ACADVL: variants seen among roughly 807,000 people sequenced by gnomAD.
The protein encoded by ACADVL is very long-chain acyl-CoA dehydrogenase, mitochondrial.
A neutral mutation model predicts 80.4 loss-of-function variants in ACADVL; 73 were observed. The observed-to-expected ratio is 0.91, with a 90% CI of 0.75 to 1.10. The LOEUF (loss-of-function observed/expected upper bound fraction) is 1.10. ACADVL is among the 50% of genes least tolerant of loss of function. ACADVL has a pLI of 0.00. For synonymous variants in ACADVL, 392 were observed against 326.5 expected (o/e 1.20, Z -2.16); for missense variants, 878 against 858.9 (o/e 1.02, Z -0.28).
chr17:7,218,624 A>C, upstream of ACADVL: 2 of 1,563,358 alleles, frequency 1.3e-6, no homozygotes, highest in Non-Finnish European at 1.7e-6. Flanking sequence ...CAGGAGCCAG[A>C]GGGCTGACCT....
At chr17:7,221,137 G>A (rs1356900663) in intron 6 of ACADVL, 79 bp downstream of exon 6, 4 of 1,604,750 alleles carry the variant, frequency 2.5e-6, no homozygotes, top group Admixed American at 3.3e-5. Context: ...TAGACCTAGA[G>A]ACTAGGGCTA....
rs756720482 is a variant in ACADVL, at chr17:7,220,015, GGGC to G, written c.35_37del (p.Arg12del). On this transcript the variant is annotated inframe_deletion, in exon 1 of 20. Coordinates refer to ENST00000356839, the MANE Select transcript of ACADVL (RefSeq NM_000018.4). ...GGCGGCTCGGATGGCCGCGAGCTTG[GGGC>G]GGCAGCTGCTGAGGCTCGGGGGCGG... is the stretch of plus-strand genomic sequence containing the variant. 5.6e-6 allele frequency: 9 copies of G among 1,605,194 alleles called. No homozygotes were observed. The South Asian group carries it at 9.9e-5, about 18-fold the overall frequency.
upstream of ACADVL, chr17:7,219,768 G>A (rs2071091173): frequency 6.7e-6 from 10 of 1,482,740 alleles, no homozygotes; most frequent in South Asian, 5.3e-5. Context: ...AAGGAGTTTG[G>A]GGGAGACGAG....
rs2142974194 is a variant in ACADVL at position 7,221,561 on chromosome 17, G to C, written c.501G>C (p.Val167=). Residue 167 remains valine, a synonymous_variant, in exon 7 of 20, where the codon GTG becomes GTC. Transcript: ENST00000356839. ...NTQYARLVEI[V]GMHDLGVGIT... ...AGTACGCCCGTTTGGTGGAGATCGT[G>C]GGCATGCATGACCTTGGCGTGGGCA... is the stretch of plus-strand genomic sequence containing the variant. 6.2e-7 allele frequency: 1 copy of C among 1,614,126 alleles called. No homozygotes were observed. Among genetic ancestry groups the C allele is most frequent in the Non-Finnish European group, 8.5e-7 (1 of 1,180,038 alleles).
chr17:7,219,392 G>A (rs2071078921), upstream of ACADVL: 5 of 1,014,664 alleles, frequency 4.9e-6, no homozygotes, highest in South Asian at 3.9e-5. Flanking sequence ...AGTGAATCTG[G>A]GGGGGTCTTC....
At chr17:7,219,384 T>G, upstream of ACADVL, 1 of 1,012,936 alleles carries the variant, frequency 9.9e-7, no homozygotes, top group Non-Finnish European at 1.2e-6. Context: ...GGAGGGGCAG[T>G]GAATCTGGGG....
At position 7,224,558 on chromosome 17, in the gene ACADVL, T is replaced by C. The variant is rs745434430; in HGVS notation, c.1678+6T>C. The C allele has an allele frequency of 1.9e-6, 3 of 1,603,654 alleles. No individual in the cohort carries two copies. The highest frequency in any genetic ancestry group is 2.5e-6 in the Non-Finnish European group (3 of 1,176,784). ...ACACAAGAAGGGGATTGTCAGTAAG[T>C]GAGCTCTACACCATTCCGCCCCTCC... On this transcript the variant is annotated splice_donor_region_variant and intron_variant, in intron 17 of 19. Transcript: ENST00000356839.
upstream of ACADVL, chr17:7,217,733 A>G (rs2070998151): frequency 2.0e-6 from 3 of 1,534,408 alleles, no homozygotes; most frequent in Admixed American, 2.0e-5. Flanking sequence ...GATAATGGGA[A>G]AGGAGATAGA....
At position 7,221,067 on chromosome 17, in the gene ACADVL, G is replaced by A. The variant is rs780716056; in HGVS notation, c.477+9G>A. ...GCCTTTGCAACACCCAGGTGAGGGC[G>A]CCCTATCGCCACATCCCAGTATGCC... is the stretch of plus-strand genomic sequence containing the variant. On this transcript the variant is annotated intron_variant, in intron 6 of 19. Transcript: ENST00000356839. 9.3e-6 allele frequency: 15 copies of A among 1,613,022 alleles called. No homozygotes were observed. The highest frequency in any genetic ancestry group is 8.8e-5 in the South Asian group (8 of 91,042).
At chr17:7,218,784 C>T, upstream of ACADVL, 2 of 1,612,092 alleles carry the variant, frequency 1.2e-6, no homozygotes, top group Non-Finnish European at 1.7e-6. Context: ...CCCCAGCCCC[C>T]CACTTCGCTC....
At position 7,221,551 on chromosome 17, in the gene ACADVL, T is replaced by A; in HGVS notation, c.491T>A (p.Val164Glu). 1 of 1,613,972 alleles carries A rather than the reference T, an allele frequency of 6.2e-7. No individual in the cohort carries two copies. Among genetic ancestry groups the A allele is most frequent in the African/African-American group, 1.3e-5 (1 of 74,984 alleles). The change falls in exon 7 of 20, where the codon GTG becomes GAG. Residue 164 changes from valine to glutamate, a missense_variant. Transcript: ENST00000356839. Reference protein sequence around the residue: ...GLCNTQYARLVEIVGMHDLGV... With the variant: ...GLCNTQYARLEEIVGMHDLGV... The stretch of plus-strand genomic sequence containing the variant: ...CTTCCCCTCCAGTACGCCCGTTTGG[T>A]GGAGATCGTGGGCATGCATGACCTT...
upstream of ACADVL, chr17:7,217,227 C>T: frequency 7.9e-7 from 1 of 1,258,346 alleles, no homozygotes; most frequent in Non-Finnish European, 1.0e-6. Context: ...TGGGTTCTCA[C>T]CCCTCCCCCC....
chr17:7,219,558 T>C, upstream of ACADVL: 2 of 1,104,594 alleles, frequency 1.8e-6, no homozygotes, highest in Non-Finnish European at 2.2e-6. Flanking sequence ...CCCTAGAGTC[T>C]GTCTTTCCAT....
chr17:7,223,144 C>A lies in ACADVL; in HGVS notation c.1089C>A (p.Ala363=), dbSNP rs774273664. 5.0e-6 allele frequency: 8 copies of A among 1,613,460 alleles called. No individual in the cohort carries two copies. The highest frequency in any genetic ancestry group is 6.8e-6 in the Non-Finnish European group (8 of 1,179,524). ...GGACCCTCTTCCAGGTAGATCATGC[C>A]ACTAATCGTACCCAGTTTGGGGAGA... ...RGIIAKAVDH[A]TNRTQFGEKI... Residue 363 remains alanine, a synonymous_variant, in exon 11 of 20, where the codon GCC becomes GCA. Transcript: ENST00000356839.
chr17:7,222,755 C>T lies in ACADVL; in HGVS notation c.967C>T (p.Leu323=), dbSNP rs778134085. The change falls in exon 10 of 20, where the codon CTG becomes TTG. Residue 323 remains leucine (L), a synonymous_variant. Coordinates refer to ENST00000356839, the MANE Select transcript of ACADVL (RefSeq NM_000018.4). ...AGTACGGGTGCCATCGGAGAACGTG[C>T]TGGGTGAGGTTGGGAGTGGCTTCAA... ...DGVRVPSENV[L]GEVGSGFKVA... is the part of the protein sequence containing the mutation. The T allele has an allele frequency of 4.3e-6, 7 of 1,614,086 alleles. No individual in the cohort carries two copies. The South Asian group carries it at 6.6e-5, about 15-fold the overall frequency.
rs1057516843 is a variant in ACADVL, at chr17:7,222,782, G to GT, written c.996dup (p.Ala333CysfsTer26). The GT allele has an allele frequency of 3.1e-6, 5 of 1,614,052 alleles. No individual in the cohort carries two copies. The East Asian group carries it at 1.1e-4, about 36-fold the overall frequency. On this transcript the variant is annotated frameshift_variant, in exon 10 of 20. Transcript: ENST00000356839. LOFTEE classifies it high-confidence loss of function. The stretch of plus-strand genomic sequence containing the variant: ...GGGTGAGGTTGGGAGTGGCTTCAAG[G>GT]TTGCCATGCACATCCTCAACAATGG...
At chr17:7,224,736 G>A in intron 18 of ACADVL, 22 bp downstream of exon 18, 1 of 1,610,182 alleles carries the variant, frequency 6.2e-7, no homozygotes, top group Middle Eastern at 1.7e-4. Context: ...GGCAGGGAAT[G>A]CCTGAGCCGC....
In ACADVL at chr17:7,221,517, AG is replaced by A; in HGVS notation, c.478-20del. The A allele has an allele frequency of 6.3e-7, 1 of 1,575,486 alleles. No individual in the cohort carries two copies. Among genetic ancestry groups the A allele is most frequent in the African/African-American group, 2.2e-5 (1 of 44,938 alleles). On this transcript the variant is annotated intron_variant, in intron 6 of 19. Transcript: ENST00000356839. ...TCCCCCTGCAGCCAGTGACAACCCC[AG>A]ATTCCTGCTTCCCCTCCAGTACGCC... is the stretch of plus-strand genomic sequence containing the variant.
chr17:7,223,656 A>G lies in ACADVL; in HGVS notation c.1195A>G (p.Met399Val). The change falls in exon 12 of 20, where the codon ATG becomes GTG. Residue 399 changes from methionine to valine, a missense_variant. Met to Val is a conservative substitution (Grantham distance 21, BLOSUM62 1). Coordinates refer to ENST00000356839, the MANE Select transcript of ACADVL (RefSeq NM_000018.4). ...LQYVTESMAYMVSANMDQGAT... is the reference protein window; with the variant it reads ...LQYVTESMAYVVSANMDQGAT... ...TATGCAACCTCAGTCCATGGCTTAC[A>G]TGGTGAGTGCTAACATGGACCAGGG... is the stretch of plus-strand genomic sequence containing the variant. 2 of 1,614,076 alleles carry G rather than the reference A, an allele frequency of 1.2e-6. No individual in the cohort carries two copies. The highest frequency in any genetic ancestry group is 1.7e-6 in the Non-Finnish European group (2 of 1,180,022).
Sources: gnomAD v4.1 joint callset for allele counts on GRCh38, gnomAD v4.1.1 for gene constraint, MANE v1.5 for transcripts, NCBI Gene and HGNC (gene_info 2026-07-23, HGNC 2026-07-21) for gene names.